CATSPER3: variants seen among roughly 807,000 people sequenced by gnomAD.
CATSPER3 encodes the protein cation channel sperm-associated protein 3.
Under a neutral mutation model 36.6 loss-of-function variants are expected in CATSPER3, and 23 were observed. The observed-to-expected ratio is 0.63, with a 90% CI of 0.45 to 0.89. The LOEUF (loss-of-function observed/expected upper bound fraction) is 0.89. CATSPER3 is among the 40% of genes least tolerant of loss of function. The pLI, the probability that CATSPER3 is intolerant of heterozygous loss-of-function variation, is 0.00. For synonymous variants in CATSPER3, 172 were observed against 184.1 expected (o/e 0.93, Z 0.53); for missense variants, 474 against 503.9 (o/e 0.94, Z 0.57).
chr5:134,975,650 G>A (rs868239917), intron 2 of CATSPER3, among the ~76,000 whole-genome samples: 13 of 152,150 alleles, frequency 8.5e-5, no homozygotes, highest in African/African-American at 3.1e-4. Flanking sequence ...GTGAGGATGT[G>A]GAGAAAGGGG....
chr5:134,986,488 G>A (rs1246655015), intron 2 of CATSPER3, among the ~76,000 whole-genome samples: 4 of 87,878 alleles, frequency 4.6e-5, no homozygotes, highest in Non-Finnish European at 6.5e-5. Context: ...TTGAGATGAA[G>A]TCTTGCTCTG....
At chr5:134,980,805 C>T (rs1313597178) in intron 2 of CATSPER3, among the ~76,000 whole-genome samples, 1 of 152,142 alleles carries the variant, frequency 6.6e-6, no homozygotes, top group Non-Finnish European at 1.5e-5. Context: ...ATAGCTCAAT[C>T]AGCCTTAAAC....
intron 2 of CATSPER3, among the ~76,000 whole-genome samples, chr5:134,985,896 C>A (rs1239826744): frequency 6.6e-6 from 1 of 151,500 alleles, no homozygotes; most frequent in Non-Finnish European, 1.5e-5. Context: ...AAGATCTTGT[C>A]TCAAACAAAC....
chr5:134,969,935 A>C lies in CATSPER3; in HGVS notation c.99-4A>C. 6.2e-7 allele frequency: 1 copy of C among 1,614,056 alleles called. No homozygotes were observed. Among genetic ancestry groups the C allele is most frequent in the Non-Finnish European group, 8.5e-7 (1 of 1,179,992 alleles). The stretch of plus-strand genomic sequence containing the variant: ...ACCATACTTCACATTCAACTTTTTG[A>C]CAGGAGGAACGATGATGAATGTCGG... On this transcript the variant is annotated splice_polypyrimidine_tract_variant and splice_region_variant and intron_variant, in intron 1 of 7. Transcript: ENST00000282611.
At chr5:135,000,073 G>T (rs552596135) in intron 3 of CATSPER3, among the ~76,000 whole-genome samples, 5 of 152,172 alleles carry the variant, frequency 3.3e-5, no homozygotes, top group Non-Finnish European at 7.3e-5. Context: ...ATTATTTTGA[G>T]ATACGTCCCA....
intron 2 of CATSPER3, among the ~76,000 whole-genome samples, chr5:134,991,422 A>C (rs1281558379): frequency 3.9e-5 from 6 of 152,252 alleles, no homozygotes; most frequent in Non-Finnish European, 8.8e-5. Flanking sequence ...TCAAAACAGC[A>C]TGGTACTAGC....
At chr5:134,983,475 AGT>A (rs1425936725) in intron 2 of CATSPER3, among the ~76,000 whole-genome samples, 2 of 152,188 alleles carry the variant, frequency 1.3e-5, no homozygotes, top group African/African-American at 4.8e-5. Flanking sequence ...CGGAGGTTGC[AGT>A]GAGCTGAAAT....
At chr5:134,988,644 T>A (rs1464356703) in intron 2 of CATSPER3, among the ~76,000 whole-genome samples, 1 of 152,214 alleles carries the variant, frequency 6.6e-6, no homozygotes, top group Non-Finnish European at 1.5e-5. Context: ...TGCAGCAGTT[T>A]AGTCACATCT....
chr5:134,990,831 T>C (rs934058119), intron 2 of CATSPER3, among the ~76,000 whole-genome samples: 1 of 152,184 alleles, frequency 6.6e-6, no homozygotes, highest in Non-Finnish European at 1.5e-5. Flanking sequence ...GATGACTTGA[T>C]CTTATATATA....
At position 134,996,984 on chromosome 5, in the gene CATSPER3, C is replaced by G. The variant is rs181680221; in HGVS notation, c.492+472C>G. Reference sequence around the variant, plus strand: ...CTTCGTTAAGGTGGCTCTGGAAGGGCTACTCCTGCTGAGAAGTCTTTCTGG... The same window carrying G: ...CTTCGTTAAGGTGGCTCTGGAAGGGGTACTCCTGCTGAGAAGTCTTTCTGG... On this transcript the variant is annotated intron_variant, in intron 3 of 7. Coordinates refer to ENST00000282611, the MANE Select transcript of CATSPER3 (RefSeq NM_178019.3). Among the ~76,000 whole-genome samples, 392 of 152,360 alleles carry G rather than the reference C, an allele frequency of 2.6e-3. 1 individual carries two copies. Among genetic ancestry groups the G allele is most frequent in the African/African-American group, 9.2e-3 (384 of 41,590 alleles).
chr5:134,979,099 C>A (rs886833984), intron 2 of CATSPER3, among the ~76,000 whole-genome samples: 11 of 152,034 alleles, frequency 7.2e-5, no homozygotes, highest in African/African-American at 2.7e-4. Context: ...AGCTCACATT[C>A]CTAATGTAGA....
chr5:134,988,625 T>C (rs1751839027), intron 2 of CATSPER3, among the ~76,000 whole-genome samples: 1 of 152,226 alleles, frequency 6.6e-6, no homozygotes, highest in Non-Finnish European at 1.5e-5. Flanking sequence ...TCAAGTTTTA[T>C]CATGAGATTG....
At chr5:135,003,307 T>C (rs561293868) in intron 3 of CATSPER3, among the ~76,000 whole-genome samples, 2 of 152,346 alleles carry the variant, frequency 1.3e-5, no homozygotes, top group South Asian at 4.1e-4. Context: ...TGATTGTTTC[T>C]CTGGAAGCTT....
chr5:134,994,319 A>T (rs1337097754), intron 2 of CATSPER3, among the ~76,000 whole-genome samples: 3 of 152,262 alleles, frequency 2.0e-5, no homozygotes, highest in African/African-American at 7.2e-5. Flanking sequence ...TAATTTAAAC[A>T]TATAAAAATG....
chr5:134,983,777 A>G (rs796103506), intron 2 of CATSPER3, among the ~76,000 whole-genome samples: 1 of 152,218 alleles, frequency 6.6e-6, no homozygotes, highest in African/African-American at 2.4e-5. Context: ...TCCAGGATAG[A>G]TTATATATTA....
At chr5:134,980,633 G>C (rs1359208974) in intron 2 of CATSPER3, among the ~76,000 whole-genome samples, 1 of 151,668 alleles carries the variant, frequency 6.6e-6, no homozygotes, top group Non-Finnish European at 1.5e-5. Flanking sequence ...GTTTCACCAT[G>C]TTGGCCAGGA....
intron 2 of CATSPER3, among the ~76,000 whole-genome samples, chr5:134,989,443 G>A (rs1305440053): frequency 4.6e-5 from 7 of 152,214 alleles, no homozygotes; most frequent in Non-Finnish European, 8.8e-5. Flanking sequence ...GTTGAGTGTA[G>A]CTACTTTCAT....
intron 3 of CATSPER3, among the ~76,000 whole-genome samples, chr5:134,999,016 A>T (rs1041244594): frequency 6.6e-6 from 1 of 152,166 alleles, no homozygotes; most frequent in African/African-American, 2.4e-5. Context: ...GGTATTGCCT[A>T]GGTTTTCTTC....
At chr5:134,992,390 G>A (rs1210308975) in intron 2 of CATSPER3, among the ~76,000 whole-genome samples, 1 of 152,022 alleles carries the variant, frequency 6.6e-6, no homozygotes, top group East Asian at 1.9e-4. Context: ...ACCACAATGA[G>A]ATACAATTTC....
Sources: gnomAD v4.1 joint callset for allele counts (sites outside exome capture counted in the v4.1 genomes callset) on GRCh38, gnomAD v4.1.1 for gene constraint, MANE v1.5 for transcripts, NCBI Gene and HGNC (gene_info 2026-07-23, HGNC 2026-07-21) for gene names.